The following CELF2 variants were observed in gnomAD, a reference collection of about 807,000 sequenced individuals.
The protein encoded by CELF2 is CUG triplet repeat RNA-binding protein 2.
CELF2 carries 8 observed loss-of-function variants against 62.6 expected under a neutral mutation model. The observed-to-expected ratio is 0.13, with a 90% CI of 0.07 to 0.23. The LOEUF (loss-of-function observed/expected upper bound fraction) is 0.23, where lower values mean the gene tolerates loss of function less well. CELF2 is among the 10% of genes least tolerant of loss of function. The pLI is 1.00. For missense variants in CELF2, 333 were observed against 671.0 expected, an observed-to-expected ratio of 0.50 and a Z score of 5.56; for synonymous variants, 258 against 250.0, an observed-to-expected ratio of 1.03 and a Z score of -0.30.
intron 1 of CELF2, among the ~76,000 whole-genome samples, chr10:11,164,773 G>A (rs1057182428): frequency 9.9e-5 from 15 of 151,792 alleles, no homozygotes; most frequent in African/African-American, 3.6e-4. Flanking sequence ...GCTTTTTAAA[G>A]GGGAGCCCCC....
chr10:10,790,893 C>G, the CELF2 span, among the ~76,000 whole-genome samples: 2 of 152,254 alleles, frequency 1.3e-5, no homozygotes. Context: ...GTAGGACTCT[C>G]AAGCTAGATC....
At chr10:10,804,817 C>T (rs2055040280) in intron 1 of CELF2, among the ~76,000 whole-genome samples, 1 of 152,182 alleles carries the variant, frequency 6.6e-6, no homozygotes. Flanking sequence ...ATTTAGTGTA[C>T]ATTTCTCTTT....
In CELF2 at chr10:11,178,122, G is replaced by A. The variant is rs762930783; in HGVS notation, c.271+12440G>A. Among the ~76,000 whole-genome samples, 2 of 152,246 alleles carry A rather than the reference G, an allele frequency of 1.3e-5. No individual in the cohort carries two copies. Among genetic ancestry groups the A allele is most frequent in the Non-Finnish European group, 1.5e-5 (1 of 68,046 alleles). ...CTACCTGCCACATGCCCTGGCCTGCGTCAGCGTTATGGAGTAGGCAACCTG... is the reference window on the plus strand; with the variant it reads ...CTACCTGCCACATGCCCTGGCCTGCATCAGCGTTATGGAGTAGGCAACCTG... On this transcript the variant is annotated intron_variant, in intron 2 of 12. Coordinates refer to ENST00000633077, the MANE Select transcript of CELF2 (RefSeq NM_001326342.2). The surrounding 1 kb of genome is among the most constrained non-coding windows in gnomAD (Gnocchi z 4.3).
the CELF2 span, among the ~76,000 whole-genome samples, chr10:10,759,458 A>G: frequency 6.6e-6 from 1 of 151,668 alleles, no homozygotes; most frequent in African/African-American, 2.4e-5. Context: ...TACAGGTGCC[A>G]AGCATGGTGG....
chr10:11,007,132 C>G (rs138866550), intron 1 of CELF2, among the ~76,000 whole-genome samples: 1 of 152,118 alleles, frequency 6.6e-6, no homozygotes, highest in Non-Finnish European at 1.5e-5. Flanking sequence ...AGCAATATAT[C>G]AGAATATATT....
At chr10:11,198,770 A>AT (rs1291443730) in intron 2 of CELF2, among the ~76,000 whole-genome samples, 6 of 152,154 alleles carry the variant, frequency 3.9e-5, no homozygotes, top group South Asian at 2.1e-4. Flanking sequence ...AGCGTTGTAG[A>AT]TTTTTTTGCA....
the CELF2 span, among the ~76,000 whole-genome samples, chr10:10,663,328 C>A: frequency 6.6e-6 from 1 of 152,176 alleles, no homozygotes. Flanking sequence ...GGAATTGCCT[C>A]ATATGTTGCA....
the CELF2 span, among the ~76,000 whole-genome samples, chr10:10,781,457 G>A: frequency 5.3e-5 from 8 of 152,188 alleles, no homozygotes; most frequent in South Asian, 2.1e-4. Context: ...ATCTATGGCA[G>A]AAGGTGAAGG....
intron 2 of CELF2, among the ~76,000 whole-genome samples, chr10:10,969,304 G>A (rs554364878): frequency 5.9e-5 from 9 of 152,300 alleles, no homozygotes; most frequent in African/African-American, 2.2e-4. Flanking sequence ...AAAGTATGGA[G>A]TGAATTCCAC....
At chr10:10,781,862 C>T in the CELF2 span, among the ~76,000 whole-genome samples, 1 of 152,102 alleles carries the variant, frequency 6.6e-6, no homozygotes, top group Non-Finnish European at 1.5e-5. Context: ...ATCCATACTA[C>T]AACTGTGGAT....
chr10:11,328,816 G>T lies in CELF2; in HGVS notation c.1439-110G>T. 2 of 1,290,920 alleles carry T rather than the reference G, an allele frequency of 1.5e-6. No individual in the cohort carries two copies. Among genetic ancestry groups the T allele is most frequent in the Non-Finnish European group, 2.1e-6 (2 of 940,752 alleles). 80.0% of individuals were successfully genotyped at this position (1,290,920 alleles called of 1,614,324 possible). On this transcript the variant is annotated intron_variant, in intron 12 of 12. Transcript: ENST00000633077. The surrounding 1 kb of genome is among the most constrained non-coding windows in gnomAD (Gnocchi z 6.4). ...TCCGCAGAGCTGTGCTGGGCCCGTG[G>T]GGCTGGCACCTCATGCTGGCTCTTC...
chr10:10,559,394 G>A, the CELF2 span, among the ~76,000 whole-genome samples: 1 of 152,174 alleles, frequency 6.6e-6, no homozygotes, highest in Non-Finnish European at 1.5e-5. Context: ...TTCCTCATTA[G>A]TTAAACATCC....
At chr10:10,531,826 C>T in the CELF2 span, among the ~76,000 whole-genome samples, 1 of 152,180 alleles carries the variant, frequency 6.6e-6, no homozygotes, top group African/African-American at 2.4e-5. Flanking sequence ...AAGGCAATAT[C>T]AATCCTGATG....
chr10:10,646,381 T>A, the CELF2 span, among the ~76,000 whole-genome samples: 4 of 152,236 alleles, frequency 2.6e-5, no homozygotes, highest in African/African-American at 9.6e-5. Context: ...TAATTGATGC[T>A]CATCCACAAA....
the CELF2 span, among the ~76,000 whole-genome samples, chr10:10,728,161 C>A: frequency 3.2e-3 from 479 of 151,340 alleles, 4 homozygotes; most frequent in African/African-American, 0.011. Context: ...AAAATGTGAC[C>A]AGTCGCGGTG....
intron 1 of CELF2, among the ~76,000 whole-genome samples, chr10:11,024,509 G>T (rs1339296599): frequency 1.3e-5 from 2 of 152,126 alleles, no homozygotes. Context: ...GCTGAGGGGG[G>T]AGGATCGCCT....
chr10:10,599,725 C>CTTTTTTTTTT, the CELF2 span, among the ~76,000 whole-genome samples: 103 of 134,548 alleles, frequency 7.7e-4, no homozygotes, highest in Non-Finnish European at 1.1e-3. Flanking sequence ...TTCTTTCTTT[C>CTTTTTTTTTT]TTTTTTTTTT....
rs1404204365 is a variant in CELF2 at position 11,223,788 on chromosome 10, G to A, written c.354+6281G>A. On this transcript the variant is annotated intron_variant, in intron 3 of 12. Transcript: ENST00000633077. This position sits in a 1 kb window ranked among gnomAD's most constrained non-coding sequence, Gnocchi z 5.1. The stretch of plus-strand genomic sequence containing the variant: ...CCAGCTGAGCGGTATAGATCCAGGA[G>A]AGGATATCGGAGGATGGAAGGAAAT... Among the ~76,000 whole-genome samples, 1 of 152,232 alleles carries A rather than the reference G, an allele frequency of 6.6e-6. No individual in the cohort carries two copies. Among genetic ancestry groups the A allele is most frequent in the Non-Finnish European group, 1.5e-5 (1 of 68,036 alleles).
chr10:11,286,650 A>C (rs2091391677), intron 8 of CELF2, among the ~76,000 whole-genome samples: 1 of 152,228 alleles, frequency 6.6e-6, no homozygotes, highest in African/African-American at 2.4e-5. Context: ...AGGGCCTCTC[A>C]ACACCCACGT....
Sources: gnomAD v4.1 joint callset for allele counts (sites outside exome capture counted in the v4.1 genomes callset) on GRCh38, gnomAD v4.1.1 for gene constraint, Gnocchi (gnomAD v3.1) non-coding constraint, MANE v1.5 for transcripts, NCBI Gene and HGNC (gene_info 2026-07-23, HGNC 2026-07-21) for gene names.